MBD5: variants seen among roughly 807,000 people sequenced by gnomAD.
MBD5 encodes the protein methyl-CpG binding domain protein 5.
In MBD5, 13 loss-of-function variants were observed where a neutral mutation model predicts 117.3. That is an observed-to-expected ratio of 0.11 (90% CI 0.07 to 0.18). The LOEUF (loss-of-function observed/expected upper bound fraction) is 0.18. Among genes scored for constraint, MBD5 ranks in the 10% least tolerant of loss-of-function variants. The pLI, the probability that MBD5 is intolerant of heterozygous loss-of-function variation, is 1.00. For missense variants in MBD5, 1,879 were observed against 2,093.8 expected (o/e 0.90, Z 2.00); for synonymous variants, 727 against 766.4 (o/e 0.95, Z 0.85).
intron 2 of MBD5, among the ~76,000 whole-genome samples, chr2:148,215,708 TG>T (rs147778818): frequency 0.021 from 2,092 of 99,716 alleles, 46 homozygotes; most frequent in African/African-American, 0.064. Context: ...TTTTTTTTTT[TG>T]GTAGAAACAA....
At chr2:148,139,299 C>CG (rs549943864) in intron 1 of MBD5, among the ~76,000 whole-genome samples, 95 of 152,158 alleles carry the variant, frequency 6.2e-4, no homozygotes, top group African/African-American at 2.2e-3. Context: ...CTCCACCTTC[C>CG]GGGTTCAGGT....
intron 8 of MBD5, among the ~76,000 whole-genome samples, chr2:148,480,627 G>A (rs1681119846): frequency 6.6e-6 from 1 of 152,020 alleles, no homozygotes; most frequent in Non-Finnish European, 1.5e-5. Flanking sequence ...TGTCCAAATG[G>A]AAATAATCCA....
chr2:148,239,084 G>A (rs993930601), intron 3 of MBD5, among the ~76,000 whole-genome samples: 6 of 150,574 alleles, frequency 4.0e-5, no homozygotes, highest in African/African-American at 1.5e-4. Context: ...GTGGGTGTCT[G>A]TATATATATA....
At chr2:148,064,501 T>C (rs756693709) in intron 1 of MBD5, among the ~76,000 whole-genome samples, 1 of 152,272 alleles carries the variant, frequency 6.6e-6, no homozygotes, top group Non-Finnish European at 1.5e-5. Context: ...TAGAAACTGG[T>C]AGTAGCCTGG....
intron 2 of MBD5, among the ~76,000 whole-genome samples, chr2:148,198,034 C>G (rs1699041293): frequency 6.6e-6 from 1 of 151,880 alleles, no homozygotes; most frequent in Non-Finnish European, 1.5e-5. Flanking sequence ...AGGCTGGTCT[C>G]AAACTCCTGA....
chr2:148,215,663 A>T (rs1456990592), intron 2 of MBD5, among the ~76,000 whole-genome samples: 2 of 149,798 alleles, frequency 1.3e-5, no homozygotes, highest in Non-Finnish European at 3.0e-5. Flanking sequence ...CTAGGAATGC[A>T]GGTGTGCAGC....
intron 4 of MBD5, among the ~76,000 whole-genome samples, chr2:148,371,646 G>A (rs1703856162): frequency 6.6e-6 from 1 of 152,104 alleles, no homozygotes; most frequent in Admixed American, 6.5e-5. Flanking sequence ...TGGAAAAGAA[G>A]GGCACAGAAT....
At position 148,052,930 on chromosome 2, in the gene MBD5, C is replaced by T. The variant is rs151119846; in HGVS notation, c.-925+31246C>T. 1.7e-3 allele frequency among the ~76,000 whole-genome samples: 247 copies of T among 148,864 alleles called. 1 individual carries two copies. The highest frequency in any genetic ancestry group is 5.9e-3 in the African/African-American group (239 of 40,404). On this transcript the variant is annotated intron_variant, in intron 1 of 13. Coordinates refer to ENST00000642680, the MANE Select transcript of MBD5 (RefSeq NM_001378120.1). ...TGAGCCAATATCACATTACTGCACT[C>T]CAACCTGGGCGACAGACCCAAGAGT...
intron 4 of MBD5, among the ~76,000 whole-genome samples, chr2:148,451,615 A>C (rs1342231500): frequency 6.6e-6 from 1 of 152,208 alleles, no homozygotes; most frequent in African/African-American, 2.4e-5. Context: ...TAAAATGATA[A>C]TTATGTTGTA....
In MBD5 at chr2:148,490,346, G is replaced by C. The variant is rs1176936509; in HGVS notation, c.4714G>C (p.Asp1572His). The change falls in exon 11 of 14, where the codon GAC becomes CAC. Residue 1572 changes from aspartate (D) to histidine (H), a missense_variant. Physicochemically the swap from Asp to His is moderately conservative, Grantham distance 81. Around this residue, in one of 4 missense-constraint regions of MBD5, gnomAD observed 1,666 missense variants for 1,792.2 expected, o/e 0.93. Coordinates refer to ENST00000642680, the MANE Select transcript of MBD5 (RefSeq NM_001378120.1). ...CAAAGACTACATCCATTACAATGGA[G>C]ACTTTAATGCCAAAAGCGTTAATGG... ...LVKDYIHYNGDFNAKSVNGCV... is the reference protein window; with the variant it reads ...LVKDYIHYNGHFNAKSVNGCV... 1.2e-6 allele frequency: 2 copies of C among 1,614,054 alleles called. No homozygotes were observed. The highest frequency in any genetic ancestry group is 2.7e-5 in the African/African-American group (2 of 74,922).
chr2:148,028,455 T>C (rs1452285010), intron 1 of MBD5: 1 of 152,080 alleles, frequency 6.6e-6, no homozygotes, highest in East Asian at 1.9e-4. Context: ...TTTTTTAAGA[T>C]TGACTGTGTG....
chr2:148,381,066 C>G (rs1229131547), intron 4 of MBD5, among the ~76,000 whole-genome samples: 1 of 152,160 alleles, frequency 6.6e-6, no homozygotes, highest in Non-Finnish European at 1.5e-5. Context: ...AGTGCCTCTC[C>G]TCCTCCAAAG....
intron 4 of MBD5, among the ~76,000 whole-genome samples, chr2:148,437,747 GAAGA>G (rs1362041746): frequency 1.3e-5 from 2 of 152,044 alleles, no homozygotes; most frequent in African/African-American, 4.8e-5. Flanking sequence ...CCATATTCAT[GAAGA>G]AATAGGCCAA....
intron 3 of MBD5, among the ~76,000 whole-genome samples, chr2:148,246,282 C>A (rs1034596270): frequency 2.6e-5 from 4 of 152,184 alleles, no homozygotes; most frequent in Admixed American, 6.5e-5. Flanking sequence ...CGGAATCCAG[C>A]ACTCATAACA....
Position 148,325,613 on chromosome 2 carries a change from A to T in MBD5, c.-679-16601A>T, listed in dbSNP as rs910732243. On this transcript the variant is annotated intron_variant, in intron 3 of 13. Coordinates refer to ENST00000642680, the MANE Select transcript of MBD5 (RefSeq NM_001378120.1). ...ATCCATTTCTTCTAGATTTTCTAGTATATTTGCGTAGAGGTGTTTGTAGTA... is the reference window on the plus strand; with the variant it reads ...ATCCATTTCTTCTAGATTTTCTAGTTTATTTGCGTAGAGGTGTTTGTAGTA... Among the ~76,000 whole-genome samples, 111 of 152,104 alleles carry T rather than the reference A, an allele frequency of 7.3e-4. 1 individual carries two copies. The highest frequency in any genetic ancestry group is 1.1e-3 in the Non-Finnish European group (73 of 67,968).
chr2:148,139,117 A>G (rs1193985184), intron 1 of MBD5, among the ~76,000 whole-genome samples: 1 of 152,340 alleles, frequency 6.6e-6, no homozygotes, highest in African/African-American at 2.4e-5. Flanking sequence ...CCTATTGATT[A>G]TCTATAATTT....
chr2:148,194,818 A>G (rs1403150390), intron 2 of MBD5, among the ~76,000 whole-genome samples: 1 of 152,142 alleles, frequency 6.6e-6, no homozygotes, highest in Non-Finnish European at 1.5e-5. Context: ...AATAAGTAGA[A>G]AACAAATAGC....
chr2:148,308,176 C>T (rs1296535702), intron 3 of MBD5, among the ~76,000 whole-genome samples: 1 of 152,070 alleles, frequency 6.6e-6, no homozygotes, highest in Non-Finnish European at 1.5e-5. Context: ...ATTGCTGGGT[C>T]AAATGGTATT....
chr2:148,313,990 A>G (rs987634128), intron 3 of MBD5, among the ~76,000 whole-genome samples: 3 of 150,408 alleles, frequency 2.0e-5, no homozygotes, highest in South Asian at 4.2e-4. Flanking sequence ...ACCAATCTCA[A>G]TGTGGTAAGT....
Sources: gnomAD v4.1 joint callset for allele counts (sites outside exome capture counted in the v4.1 genomes callset) on GRCh38, gnomAD v4.1.1 for gene constraint, gnomAD v4.1.1 regional missense constraint, MANE v1.5 for transcripts, NCBI Gene and HGNC (gene_info 2026-07-23, HGNC 2026-07-21) for gene names.